Variants in HIVEP1 observed in about 807,000 individuals in gnomAD.
HIVEP1 encodes the protein zinc finger protein 40.
A neutral mutation model predicts 180.0 loss-of-function variants in HIVEP1; 36 were observed. The ratio of observed to expected loss-of-function variants is 0.20; its 90% confidence interval spans 0.15 to 0.26. HIVEP1 has a LOEUF of 0.26. HIVEP1 is among the 10% of genes least tolerant of loss of function. The pLI is 1.00. For synonymous variants in HIVEP1, 1,239 were observed against 1,239.0 expected (o/e 1.00, Z 0.00); for missense variants, 3,143 against 3,268.7 (o/e 0.96, Z 0.94).
At position 12,140,799 on chromosome 6, in the gene HIVEP1, C is replaced by T. The variant is rs749032661; in HGVS notation, c.6487+4907C>T. On this transcript the variant is annotated intron_variant, in intron 7 of 8. Transcript: ENST00000379388. ...TGAAGATCAAATTAATGAAATAAAG[C>T]GAGAAGAGAAGGTTAGAGAAAAAAG... Among the ~76,000 whole-genome samples, 8 of 151,982 alleles carry T rather than the reference C, an allele frequency of 5.3e-5. No individual in the cohort carries two copies. In the East Asian group the frequency reaches 5.8e-4, roughly 11 times the overall value.
chr6:12,183,482 A>G, the HIVEP1 span, among the ~76,000 whole-genome samples: 2 of 152,254 alleles, frequency 1.3e-5, no homozygotes, highest in Non-Finnish European at 2.9e-5. Flanking sequence ...TATGTTCTAC[A>G]GTGATCTTTC....
chr6:12,203,242 CT>C, the HIVEP1 span, among the ~76,000 whole-genome samples: 1 of 152,216 alleles, frequency 6.6e-6, no homozygotes, highest in Non-Finnish European at 1.5e-5. Flanking sequence ...TTTACACTCC[CT>C]GTCCCAGAAA....
At chr6:12,130,981 T>C in intron 6 of HIVEP1, 39 bp downstream of exon 6, 8 of 1,465,442 alleles carry the variant, frequency 5.5e-6, no homozygotes, top group Non-Finnish European at 7.4e-6. Flanking sequence ...TTTTAATATG[T>C]ATTTAGGTGG....
chr6:12,112,042 A>C (rs189729776), intron 3 of HIVEP1, among the ~76,000 whole-genome samples: 1 of 152,226 alleles, frequency 6.6e-6, no homozygotes, highest in Non-Finnish European at 1.5e-5. Context: ...CTCTTCATTT[A>C]TATGTATAGA....
the HIVEP1 span, among the ~76,000 whole-genome samples, chr6:12,206,197 G>C: frequency 6.6e-6 from 1 of 152,018 alleles, no homozygotes; most frequent in Non-Finnish European, 1.5e-5. Flanking sequence ...GCAGTGGCAC[G>C]ATCTCAGCTC....
At position 12,123,937 on chromosome 6, in the gene HIVEP1, C is replaced by G; in HGVS notation, c.4142C>G (p.Ser1381Cys). Residue 1381 changes from serine (S) to cysteine (C), a missense_variant, in exon 4 of 9, where the codon TCT (serine) becomes TGT (cysteine). Physicochemically the swap from Ser to Cys is moderately radical, Grantham distance 112 (BLOSUM62 -1). This residue lies in a region of HIVEP1 where 1,357 missense variants were observed against 1,260.5 expected (regional missense o/e 1.08). Transcript: ENST00000379388. The stretch of plus-strand genomic sequence containing the variant: ...TGCACGCAAACGTCAATGGAGGTCT[C>G]TGATCTCAGAAGCAAATCATTCGAT... ...INCTQTSMEV[S>C]DLRSKSFDCG... The G allele has an allele frequency of 6.2e-7, 1 of 1,614,172 alleles. No individual in the cohort carries two copies.
At chr6:12,185,793 C>A in the HIVEP1 span, among the ~76,000 whole-genome samples, 1 of 152,072 alleles carries the variant, frequency 6.6e-6, no homozygotes, top group African/African-American at 2.4e-5. Context: ...ACAAGAATAC[C>A]AAGTGTTGGC....
chr6:12,126,925 C>T (rs1758108374), intron 4 of HIVEP1, among the ~76,000 whole-genome samples: 2 of 152,096 alleles, frequency 1.3e-5, no homozygotes, highest in African/African-American at 4.8e-5. Flanking sequence ...ATGGTGCGCT[C>T]TTGGCTCATT....
intron 2 of HIVEP1, among the ~76,000 whole-genome samples, chr6:12,036,030 A>T (rs1769257590): frequency 6.6e-6 from 1 of 152,194 alleles, no homozygotes; most frequent in South Asian, 2.1e-4. Context: ...TGTGGAGACA[A>T]TTTTTATTTA....
At chr6:12,157,894 C>T (rs1333154178) in intron 7 of HIVEP1, among the ~76,000 whole-genome samples, 1 of 152,130 alleles carries the variant, frequency 6.6e-6, no homozygotes, top group Non-Finnish European at 1.5e-5. Context: ...TTTCAATGGG[C>T]ATAGAATTCT....
intron 2 of HIVEP1, among the ~76,000 whole-genome samples, chr6:12,075,612 A>T (rs1772301935): frequency 1.3e-5 from 2 of 149,100 alleles, no homozygotes; most frequent in Non-Finnish European, 1.5e-5. Context: ...TCTAAACTTC[A>T]TTATGGAAGT....
chr6:12,119,232 T>G (rs138167970), intron 3 of HIVEP1, among the ~76,000 whole-genome samples: 2,403 of 152,332 alleles, frequency 0.016, 37 homozygotes, highest in Admixed American at 0.038. Context: ...GGTTAATGAT[T>G]GTTGGAAAGG....
intron 2 of HIVEP1, among the ~76,000 whole-genome samples, chr6:12,064,415 TTTG>T (rs1035975591): frequency 6.6e-6 from 1 of 152,192 alleles, no homozygotes; most frequent in African/African-American, 2.4e-5. Flanking sequence ...TTAATGATCG[TTTG>T]TTAACAGCAG....
Position 12,120,551 on chromosome 6 carries a change from T to C in HIVEP1, c.756T>C (p.Val252=). 1.2e-6 allele frequency: 2 copies of C among 1,614,218 alleles called. No individual in the cohort carries two copies. Among genetic ancestry groups the C allele is most frequent in the Non-Finnish European group, 1.7e-6 (2 of 1,180,034 alleles). Residue 252 remains valine, a synonymous_variant, in exon 4 of 9, where the codon GTT becomes GTC. Transcript: ENST00000379388. Reference sequence around the variant, plus strand: ...CAAATCAGACTTCACAGGAATTGGTTGCTGAATCACAGTCTTCTTGTACCT... The same window carrying C: ...CAAATCAGACTTCACAGGAATTGGTCGCTGAATCACAGTCTTCTTGTACCT... The part of the protein sequence containing the change: ...DAPNQTSQEL[V]AESQSSCTSY...
At position 12,147,978 on chromosome 6, in the gene HIVEP1, C is replaced by T. The variant is rs574173487; in HGVS notation, c.6487+12086C>T. Among the ~76,000 whole-genome samples the T allele has an allele frequency of 5.3e-5, 8 of 152,234 alleles. No individual in the cohort carries two copies. The South Asian group carries it at 6.2e-4, about 12-fold the overall frequency. On this transcript the variant is annotated intron_variant, in intron 7 of 8. Transcript: ENST00000379388. ...GAGGCCTGTACTTGTCCTACTTTAA[C>T]GCTTCTGTATATGTTTTAAAACCTT...
the HIVEP1 span, among the ~76,000 whole-genome samples, chr6:12,181,917 AG>A: frequency 1.3e-5 from 2 of 152,304 alleles, no homozygotes; most frequent in East Asian, 3.9e-4. Flanking sequence ...TACAAATAAG[AG>A]AGGCTATTTT....
At chr6:12,160,133 T>C (rs1760307704) in intron 7 of HIVEP1, among the ~76,000 whole-genome samples, 1 of 152,182 alleles carries the variant, frequency 6.6e-6, no homozygotes, top group Admixed American at 6.5e-5. Flanking sequence ...GTGACATTCC[T>C]CCCCCATAAC....
At chr6:12,041,808 T>C (rs1018516123) in intron 2 of HIVEP1, among the ~76,000 whole-genome samples, 10 of 151,222 alleles carry the variant, frequency 6.6e-5, no homozygotes, top group Admixed American at 2.0e-4. Flanking sequence ...TAAAGTTCCA[T>C]GCCACCATGC....
At chr6:12,009,649 G>A (rs1183446210), upstream of HIVEP1, among the ~76,000 whole-genome samples, 1 of 152,178 alleles carries the variant, frequency 6.6e-6, no homozygotes, top group Non-Finnish European at 1.5e-5. Flanking sequence ...CACAAAACAA[G>A]CCTAAAGAAG....
Sources: gnomAD v4.1 joint callset for allele counts (sites outside exome capture counted in the v4.1 genomes callset) on GRCh38, gnomAD v4.1.1 for gene constraint, gnomAD v4.1.1 regional missense constraint, MANE v1.5 for transcripts, NCBI Gene and HGNC (gene_info 2026-07-23, HGNC 2026-07-21) for gene names.